CSGALNACT1: variants seen among roughly 807,000 people sequenced by gnomAD.
The protein encoded by CSGALNACT1 is chondroitin sulfate N-acetylgalactosaminyltransferase 1, also known as beta4GalNAcT-1.
Under a neutral mutation model 51.0 loss-of-function variants are expected in CSGALNACT1, and 52 were observed. The ratio of observed to expected loss-of-function variants is 1.02; its 90% CI spans 0.82 to 1.29. The LOEUF is 1.29. Ranked by LOEUF, CSGALNACT1 falls within the 50% of genes most tolerant of loss-of-function variation. The pLI is 0.00. For synonymous variants in CSGALNACT1, 341 were observed against 254.4 expected, an observed-to-expected ratio of 1.34 and a Z score of -3.24; for missense variants, 935 against 679.2, an observed-to-expected ratio of 1.38 and a Z score of -4.19.
chr8:19,482,400 C>A (rs186404356), intron 4 of CSGALNACT1, among the ~76,000 whole-genome samples: 1 of 152,296 alleles, frequency 6.6e-6, no homozygotes, highest in African/African-American at 2.4e-5. Flanking sequence ...TCTTGTCCCA[C>A]GGCAACCTTA....
chr8:19,670,309 G>C (rs747664387), intron 1 of CSGALNACT1, among the ~76,000 whole-genome samples: 14 of 152,066 alleles, frequency 9.2e-5, no homozygotes, highest in Non-Finnish European at 1.8e-4. Context: ...TGAATAATCT[G>C]TTACATAAAA....
At chr8:19,570,490 C>G (rs1022513285) in intron 3 of CSGALNACT1, among the ~76,000 whole-genome samples, 9 of 152,142 alleles carry the variant, frequency 5.9e-5, no homozygotes, top group Non-Finnish European at 1.2e-4. Flanking sequence ...CGGACACAAA[C>G]AGAGAGCAAG....
intron 7 of CSGALNACT1, among the ~76,000 whole-genome samples, chr8:19,419,668 T>C (rs1174478267): frequency 1.3e-5 from 2 of 152,154 alleles, no homozygotes; most frequent in Non-Finnish European, 2.9e-5. Flanking sequence ...GTTTTCCAGC[T>C]CCACCTCCTC....
chr8:19,612,092 C>T (rs539199604), intron 1 of CSGALNACT1, among the ~76,000 whole-genome samples: 41 of 152,156 alleles, frequency 2.7e-4, no homozygotes, highest in African/African-American at 9.4e-4. Context: ...CCTATAATCC[C>T]ATCATTTTAG....
intron 1 of CSGALNACT1, among the ~76,000 whole-genome samples, chr8:19,662,803 C>G (rs543223882): frequency 2.0e-4 from 31 of 152,294 alleles, no homozygotes; most frequent in African/African-American, 7.0e-4. Flanking sequence ...AGTGGAGAGA[C>G]AGCACACCCA....
intron 5 of CSGALNACT1, among the ~76,000 whole-genome samples, chr8:19,456,293 G>T (rs999992931): frequency 4.6e-5 from 7 of 152,174 alleles, no homozygotes; most frequent in African/African-American, 1.7e-4. Flanking sequence ...TCACCGAGCA[G>T]ATACTTCTTT....
intron 5 of CSGALNACT1, among the ~76,000 whole-genome samples, chr8:19,455,985 A>G (rs2064010083): frequency 6.6e-6 from 1 of 152,222 alleles, no homozygotes; most frequent in South Asian, 2.1e-4. Context: ...AGCAAGGGAC[A>G]TCCAAATAGT....
At chr8:19,710,125 T>C (rs901510768) in intron 1 of CSGALNACT1, among the ~76,000 whole-genome samples, 4 of 152,236 alleles carry the variant, frequency 2.6e-5, no homozygotes, top group East Asian at 1.9e-4. Flanking sequence ...TCCGTATCCC[T>C]GGAAATTATC....
chr8:19,509,087 T>A (rs2077931781), intron 3 of CSGALNACT1, among the ~76,000 whole-genome samples: 1 of 152,208 alleles, frequency 6.6e-6, no homozygotes, highest in African/African-American at 2.4e-5. Flanking sequence ...AATGAATTTT[T>A]CCTTTGAAAC....
chr8:19,575,824 A>T (rs556874697), intron 3 of CSGALNACT1, among the ~76,000 whole-genome samples: 1 of 152,178 alleles, frequency 6.6e-6, no homozygotes, highest in South Asian at 2.1e-4. Context: ...TAGATGAAGT[A>T]AGATTGGAAA....
chr8:19,694,603 C>G (rs532246230), intron 1 of CSGALNACT1, among the ~76,000 whole-genome samples: 1 of 152,326 alleles, frequency 6.6e-6, no homozygotes, highest in Non-Finnish European at 1.5e-5. Flanking sequence ...TGCACTACAG[C>G]TTTTGGAAAT....
At chr8:19,500,669 T>C (rs1487038828) in intron 4 of CSGALNACT1, among the ~76,000 whole-genome samples, 2 of 152,144 alleles carry the variant, frequency 1.3e-5, no homozygotes, top group Non-Finnish European at 2.9e-5. Flanking sequence ...CGTGAGGTGT[T>C]TGTTGAAGAG....
intron 4 of CSGALNACT1, among the ~76,000 whole-genome samples, chr8:19,502,016 A>T (rs1054646372): frequency 1.3e-5 from 2 of 152,252 alleles, no homozygotes; most frequent in Non-Finnish European, 2.9e-5. Context: ...TGTTTTGAGG[A>T]TAGATAATAA....
chr8:19,514,560 C>A (rs1478269995), intron 3 of CSGALNACT1, among the ~76,000 whole-genome samples: 1 of 144,196 alleles, frequency 6.9e-6, no homozygotes, highest in African/African-American at 2.6e-5. Flanking sequence ...GTGGCTCTCG[C>A]CTGTAATCCT....
intron 9 of CSGALNACT1, among the ~76,000 whole-genome samples, chr8:19,407,995 G>A (rs903890584): frequency 1.1e-4 from 17 of 151,674 alleles, no homozygotes; most frequent in African/African-American, 4.1e-4. Context: ...AGTGACATTT[G>A]GAATTTTGAA....
chr8:19,568,558 T>C (rs913212028), intron 3 of CSGALNACT1, among the ~76,000 whole-genome samples: 12 of 152,196 alleles, frequency 7.9e-5, no homozygotes, highest in Non-Finnish European at 8.8e-5. Context: ...TACTCAGTAC[T>C]ATATTAACTG....
At chr8:19,600,557 A>G (rs1435917271) in intron 2 of CSGALNACT1, among the ~76,000 whole-genome samples, 4 of 152,206 alleles carry the variant, frequency 2.6e-5, no homozygotes, top group Non-Finnish European at 4.4e-5. Context: ...ACGCCCTTCA[A>G]GTTGACCCTG....
At chr8:19,515,132 T>G (rs2079268852) in intron 3 of CSGALNACT1, among the ~76,000 whole-genome samples, 1 of 152,044 alleles carries the variant, frequency 6.6e-6, no homozygotes, top group Non-Finnish European at 1.5e-5. Context: ...CTTTCCTGCC[T>G]CTGGACCCCA....
intron 1 of CSGALNACT1, among the ~76,000 whole-genome samples, chr8:19,756,936 C>G (rs2065428944): frequency 6.6e-6 from 1 of 151,154 alleles, no homozygotes; most frequent in Non-Finnish European, 1.5e-5. Context: ...CCCGCGCGCC[C>G]ACCTGGAGGC....
Sources: gnomAD v4.1 joint callset for allele counts (sites outside exome capture counted in the v4.1 genomes callset) on GRCh38, gnomAD v4.1.1 for gene constraint, MANE v1.5 for transcripts, NCBI Gene and HGNC (gene_info 2026-07-23, HGNC 2026-07-21) for gene names.